PTPRO: variants seen among roughly 807,000 people sequenced by gnomAD.
The protein encoded by PTPRO is protein tyrosine phosphatase receptor type O.
Under a neutral mutation model 145.2 loss-of-function variants are expected in PTPRO, and 62 were observed. The ratio of observed to expected loss-of-function variants is 0.43; its 90% CI spans 0.35 to 0.53. PTPRO has a LOEUF of 0.53. PTPRO is among the 20% of genes least tolerant of loss of function. The pLI, the probability that PTPRO is intolerant of heterozygous loss-of-function variation, is 0.01. For synonymous variants in PTPRO, 565 were observed against 514.7 expected (o/e 1.10, Z -1.32); for missense variants, 1,345 against 1,482.7 (o/e 0.91, Z 1.53).
chr12:15,346,492 C>G (rs527879283), intron 1 of PTPRO: 1 of 152,304 alleles, frequency 6.6e-6, no homozygotes, highest in South Asian at 2.1e-4. Flanking sequence ...GCTTGTTGGG[C>G]ACATAAAGAT....
intron 6 of PTPRO, among the ~76,000 whole-genome samples, chr12:15,507,450 T>TAAATAAATAACTAAC (rs141407524): frequency 6.7e-6 from 1 of 148,182 alleles, no homozygotes; most frequent in Non-Finnish European, 1.5e-5. Flanking sequence ...AATAAATAAA[T>TAAATAAATAACTAAC]AAGGAATGAA....
At chr12:15,549,976 T>C (rs1943410095) in intron 14 of PTPRO, among the ~76,000 whole-genome samples, 1 of 152,176 alleles carries the variant, frequency 6.6e-6, no homozygotes, top group African/African-American at 2.4e-5. Context: ...GGACAAAAAA[T>C]ATACCTGCAA....
intron 6 of PTPRO, among the ~76,000 whole-genome samples, chr12:15,506,056 T>A (rs966070972): frequency 6.6e-6 from 1 of 152,204 alleles, no homozygotes; most frequent in African/African-American, 2.4e-5. Context: ...GAATATTTGA[T>A]AACAAAACCC....
chr12:15,363,261 C>T (rs1938262678), intron 1 of PTPRO, among the ~76,000 whole-genome samples: 1 of 152,184 alleles, frequency 6.6e-6, no homozygotes, highest in Admixed American at 6.5e-5. Flanking sequence ...TTTTGCAAGA[C>T]TTTGAAACCA....
At chr12:15,352,429 T>C (rs1937834856) in intron 1 of PTPRO, among the ~76,000 whole-genome samples, 1 of 152,058 alleles carries the variant, frequency 6.6e-6, no homozygotes, top group Admixed American at 6.5e-5. Flanking sequence ...GGTGGGCGGA[T>C]CACGAGGTCA....
Position 15,497,246 on chromosome 12 carries a change from A to G in PTPRO, c.351A>G (p.Lys117=). ...TCTCCATTTACTTCACTTCTGTAGA[A>G]CCTCTACCTGTAACCAGTGTTTCCA... ...KPSRSITVLT[K]PLPVTSVSIY... is the part of the protein sequence containing the mutation. Residue 117 remains lysine (K), a splice_region_variant and synonymous_variant, in exon 3 of 27, where the codon AAA becomes AAG. Transcript: ENST00000281171. 1 of 1,563,708 alleles carries G rather than the reference A, an allele frequency of 6.4e-7. No homozygotes were observed. Among genetic ancestry groups the G allele is most frequent in the Non-Finnish European group, 8.8e-7 (1 of 1,135,164 alleles).
chr12:15,328,245 AT>A (rs564521523), intron 1 of PTPRO, among the ~76,000 whole-genome samples: 8 of 151,822 alleles, frequency 5.3e-5, no homozygotes, highest in African/African-American at 7.3e-5. Context: ...CAATCCTTAG[AT>A]TTTTTTTCCT....
chr12:15,570,070 C>T (rs991273043), intron 19 of PTPRO, among the ~76,000 whole-genome samples: 4 of 152,196 alleles, frequency 2.6e-5, no homozygotes, highest in Non-Finnish European at 5.9e-5. Context: ...AAATTGACAA[C>T]ATCTCTTTTT....
rs143598571 is a variant in PTPRO, at chr12:15,461,269, A to G, written c.76-22705A>G. 4.4e-3 allele frequency among the ~76,000 whole-genome samples: 668 copies of G among 152,304 alleles called. 6 individuals carry two copies. The highest frequency in any genetic ancestry group is 6.8e-3 in the Middle Eastern group (2 of 294). ...GCAGAAAATTTTCAAATCTACCTGT[A>G]AGCTGGAAGCACAAGCTCCAAGTTG... On this transcript the variant is annotated intron_variant, in intron 1 of 26. Transcript: ENST00000281171.
rs1468375360 is a variant in PTPRO, at chr12:15,596,930, C to T, written c.*857C>T. 10 of 152,606 alleles carry T rather than the reference C, an allele frequency of 6.6e-5. No homozygotes were observed. Among genetic ancestry groups the T allele is most frequent in the Admixed American group, 2.0e-4 (3 of 15,280 alleles). 9.5% of individuals were successfully genotyped at this position (152,606 alleles called of 1,614,324 possible). On this transcript the variant is annotated 3_prime_UTR_variant, in exon 27 of 27. Transcript: ENST00000281171. ...TGTCTGAGCAATCGTGGTGCCTAGA[C>T]TTTGCATTCCTTGTTCTGTTGACCT...
chr12:15,453,371 T>C (rs1344474484), intron 1 of PTPRO, among the ~76,000 whole-genome samples: 1 of 152,120 alleles, frequency 6.6e-6, no homozygotes, highest in Non-Finnish European at 1.5e-5. Flanking sequence ...TACTTCCTAA[T>C]TGCCCGGAGA....
Position 15,501,972 on chromosome 12 carries a change from C to G in PTPRO, c.1014C>G (p.Phe338Leu). ...CAGAGAAGTCAACATCAGGCTCTTT[C>G]TCCTTTTTCCCTGTGCAAATGATAT... ...SETEKSTSGS[F>L]SFFPVQMILT... The change falls in exon 5 of 27, where the codon TTC becomes TTG. Residue 338 changes from phenylalanine to leucine, a missense_variant. Phe to Leu is a conservative substitution (Grantham distance 22). Coordinates refer to ENST00000281171, the MANE Select transcript of PTPRO (RefSeq NM_030667.3). 6.2e-7 allele frequency: 1 copy of G among 1,614,034 alleles called. No homozygotes were observed. The highest frequency in any genetic ancestry group is 8.5e-7 in the Non-Finnish European group (1 of 1,179,920).
intron 1 of PTPRO, among the ~76,000 whole-genome samples, chr12:15,338,670 TATTA>T (rs1866856250): frequency 6.6e-6 from 1 of 152,078 alleles, no homozygotes; most frequent in South Asian, 2.1e-4. Flanking sequence ...AAGGGCAAAA[TATTA>T]ATTGATAAAG....
chr12:15,396,192 G>A (rs762864494), intron 1 of PTPRO, among the ~76,000 whole-genome samples: 9 of 152,258 alleles, frequency 5.9e-5, no homozygotes, highest in Admixed American at 1.3e-4. Context: ...TTGTGAAGAT[G>A]TGTGTGAATT....
rs1944666656 is a variant in PTPRO, at chr12:15,596,684, T to C, written c.*611T>C. On this transcript the variant is annotated 3_prime_UTR_variant, in exon 27 of 27. Coordinates refer to ENST00000281171, the MANE Select transcript of PTPRO (RefSeq NM_030667.3). Reference sequence around the variant, plus strand: ...GGAAGAGAGGGGTTCTACCCACAGATCAACTGTGTAATCTTTTACTATTCA... The same window carrying C: ...GGAAGAGAGGGGTTCTACCCACAGACCAACTGTGTAATCTTTTACTATTCA... 6.6e-6 allele frequency: 1 copy of C among 152,224 alleles called. No homozygotes were observed. Among genetic ancestry groups the C allele is most frequent in the African/African-American group, 2.4e-5 (1 of 41,446 alleles). The allele number at this position is 152,224 out of a possible 1,614,324, so 9.4% of individuals were successfully genotyped here.
chr12:15,569,523 C>A, intron 19 of PTPRO, 25 bp downstream of exon 19: 1 of 1,576,178 alleles, frequency 6.3e-7, no homozygotes, highest in South Asian at 1.1e-5. Context: ...GCATTTTCTA[C>A]CTTCTGTAAT....
intron 1 of PTPRO, among the ~76,000 whole-genome samples, chr12:15,367,207 A>G (rs924780213): frequency 3.9e-5 from 6 of 152,226 alleles, no homozygotes; most frequent in Non-Finnish European, 8.8e-5. Flanking sequence ...GAAAATTTAT[A>G]GGCAAACGTT....
chr12:15,405,104 A>G (rs1275547407), intron 1 of PTPRO, among the ~76,000 whole-genome samples: 1 of 152,186 alleles, frequency 6.6e-6, no homozygotes, highest in African/African-American at 2.4e-5. Context: ...AAATATCATC[A>G]CATGGGGGAT....
At chr12:15,393,992 G>A (rs770043959) in intron 1 of PTPRO, among the ~76,000 whole-genome samples, 7 of 152,056 alleles carry the variant, frequency 4.6e-5, no homozygotes, top group Non-Finnish European at 8.8e-5. Flanking sequence ...TAACAGATCC[G>A]CTCTTGTGAC....
Sources: allele counts gnomAD v4.1 joint callset (sites outside exome capture counted in the v4.1 genomes callset), GRCh38; gene constraint gnomAD v4.1.1; transcripts MANE v1.5; gene names NCBI Gene and HGNC (gene_info 2026-07-23, HGNC 2026-07-21).